PLB1: variants seen among roughly 807,000 people sequenced by gnomAD.
The protein encoded by PLB1 is phospholipase B1, membrane-associated.
In PLB1, 242 loss-of-function variants were observed where a neutral mutation model predicts 227.4. The ratio of observed to expected loss-of-function variants is 1.06; its 90% CI spans 0.96 to 1.18. The LOEUF is 1.18. PLB1 is among the 50% of genes most tolerant of loss of function. The pLI is 0.00. For missense variants in PLB1, 1,858 were observed against 1,816.3 expected (o/e 1.02, Z -0.42); for synonymous variants, 757 against 682.2 (o/e 1.11, Z -1.71).
intron 21 of PLB1, among the ~76,000 whole-genome samples, chr2:28,575,127 C>T (rs1678718187): frequency 6.6e-6 from 1 of 152,210 alleles, no homozygotes; most frequent in South Asian, 2.1e-4. Flanking sequence ...TTTACATTCC[C>T]ACCAGCAGTG....
chr2:28,513,155 C>T (rs909651661), intron 1 of PLB1, among the ~76,000 whole-genome samples: 2 of 152,038 alleles, frequency 1.3e-5, no homozygotes, highest in Admixed American at 6.6e-5. Flanking sequence ...TTAATGTTGT[C>T]TCCTGGTAAT....
Position 28,600,845 on chromosome 2 carries a change from G to A in PLB1, c.2511G>A (p.Lys837=), listed in dbSNP as rs377536483. Residue 837 remains lysine (K), a synonymous_variant, in exon 36 of 58, where the codon AAG becomes AAA. Transcript: ENST00000327757. ...LMSQVQTLMQ[K]MKDDHRVNFH... is the part of the protein sequence containing the mutation. ...GCCAAGTCCAAACTCTGATGCAGAA[G>A]ATGAAAGATGATCATGTGAGTCAGA... 8 of 1,611,712 alleles carry A rather than the reference G, an allele frequency of 5.0e-6. No individual in the cohort carries two copies. Among genetic ancestry groups the A allele is most frequent in the Non-Finnish European group, 6.8e-6 (8 of 1,177,892 alleles).
At chr2:28,524,300 G>A (rs2148185169) in intron 4 of PLB1, among the ~76,000 whole-genome samples, 1 of 152,308 alleles carries the variant, frequency 6.6e-6, no homozygotes, top group Non-Finnish European at 1.5e-5. Context: ...GCTAAGATTT[G>A]CTAAGTATTT....
intron 43 of PLB1, among the ~76,000 whole-genome samples, chr2:28,607,902 A>G (rs1684906540): frequency 6.6e-6 from 1 of 152,114 alleles, no homozygotes; most frequent in Non-Finnish European, 1.5e-5. Context: ...AGCAGCCATC[A>G]TTTGCTCTTT....
In PLB1 at chr2:28,628,972, C is replaced by G. The variant is rs77050344; in HGVS notation, c.3727-122C>G. The G allele has an allele frequency of 3.3e-3, 2,599 of 778,782 alleles. 44 individuals are homozygous for G. In the African/African-American group the frequency reaches 0.041, roughly 12 times the overall value. The allele number at this position is 778,782 out of a possible 1,614,324, so 48.2% of individuals were successfully genotyped here. ...TGAGATACTACAAGTTGCATCCCCT[C>G]TCTGGGCCTCAGTTTCTTCATTGGT... is the stretch of plus-strand genomic sequence containing the variant. On this transcript the variant is annotated intron_variant, in intron 52 of 57. Coordinates refer to ENST00000327757, the MANE Select transcript of PLB1 (RefSeq NM_153021.5).
chr2:28,573,371 T>G (rs955637204), intron 21 of PLB1, 66 bp downstream of exon 21: 8 of 1,241,156 alleles, frequency 6.4e-6, no homozygotes, highest in Admixed American at 1.8e-5. Context: ...GGGCTTGGCC[T>G]AAACTGGGTT....
At chr2:28,581,969 A>G (rs201226028) in intron 23 of PLB1, 99 bp from the exon 24 acceptor site, 8 of 234,438 alleles carry the variant, frequency 3.4e-5, no homozygotes, top group Admixed American at 1.1e-4. Flanking sequence ...TCAAAAAAAG[A>G]AAAAAAAAAA....
chr2:28,514,054 TTAATAG>T (rs1444350880), intron 1 of PLB1, among the ~76,000 whole-genome samples: 1 of 152,362 alleles, frequency 6.6e-6, no homozygotes, highest in African/African-American at 2.4e-5. Flanking sequence ...TTTTTAAAAC[TTAATAG>T]TAGAGTGCTG....
intron 14 of PLB1, among the ~76,000 whole-genome samples, chr2:28,545,957 G>T (rs1673191092): frequency 6.6e-6 from 1 of 152,100 alleles, no homozygotes; most frequent in African/African-American, 2.4e-5. Context: ...TCTCAGCTCT[G>T]CAGCCCACAA....
chr2:28,559,952 A>G (rs1675790441), intron 17 of PLB1, among the ~76,000 whole-genome samples: 2 of 151,820 alleles, frequency 1.3e-5, no homozygotes, highest in Admixed American at 6.6e-5. Context: ...GGGTTTCATC[A>G]TTTTGGACAG....
At chr2:28,572,648 C>A (rs1183537177) in intron 20 of PLB1, among the ~76,000 whole-genome samples, 1 of 152,052 alleles carries the variant, frequency 6.6e-6, no homozygotes, top group Non-Finnish European at 1.5e-5. Context: ...AGAGGCCAGT[C>A]ACAAAAGGTA....
Position 28,529,311 on chromosome 2 carries a change from C to T in PLB1, c.326-6C>T, listed in dbSNP as rs779090764. On this transcript the variant is annotated splice_polypyrimidine_tract_variant and splice_region_variant and intron_variant, in intron 6 of 57. Transcript: ENST00000327757. ...GGCCAGGGCCTCAAACCAGTTCTCT[C>T]TTTAGTCCTTTCAGACATCATCAGA... is the stretch of plus-strand genomic sequence containing the variant. The T allele has an allele frequency of 1.2e-6, 2 of 1,600,860 alleles. No individual in the cohort carries two copies. The highest frequency in any genetic ancestry group is 1.7e-6 in the Non-Finnish European group (2 of 1,168,084).
chr2:28,557,629 C>T, intron 17 of PLB1, among the ~76,000 whole-genome samples: 1 of 152,152 alleles, frequency 6.6e-6, no homozygotes, highest in East Asian at 1.9e-4. Context: ...TTCGTCATGG[C>T]TTGGATGGCC....
chr2:28,587,628 T>G (rs1681130354), intron 26 of PLB1, among the ~76,000 whole-genome samples: 1 of 150,992 alleles, frequency 6.6e-6, no homozygotes, highest in Non-Finnish European at 1.5e-5. Context: ...AAAATCAAAA[T>G]CAGGCCACAG....
At chr2:28,597,743 A>G (rs955452902) in intron 33 of PLB1, among the ~76,000 whole-genome samples, 1 of 152,210 alleles carries the variant, frequency 6.6e-6, no homozygotes, top group African/African-American at 2.4e-5. Context: ...GGCACATAGT[A>G]TATACTCAGC....
rs1688247874 is a variant in PLB1, at chr2:28,629,162, G to A, written c.3795G>A (p.Gly1265=). The A allele has an allele frequency of 6.2e-7, 1 of 1,613,786 alleles. No homozygotes were observed. The highest frequency in any genetic ancestry group is 8.5e-7 in the Non-Finnish European group (1 of 1,179,924). ...CTAGCCTGTACCAGGGCCAAGGCGG[G>A]AAATGTGCCATGCTGGCAGCTCAGT... is the stretch of plus-strand genomic sequence containing the variant. The part of the protein sequence containing the change: ...ELASLYQGQG[G]KCAMLAAQNN... The change falls in exon 53 of 58, where the codon GGG becomes GGA. Residue 1265 remains glycine, a synonymous_variant. Transcript: ENST00000327757.
intron 55 of PLB1, 39 bp from the exon 56 acceptor site, chr2:28,632,905 C>G (rs759705177): frequency 6.7e-7 from 1 of 1,501,180 alleles, no homozygotes; most frequent in Non-Finnish European, 9.3e-7. Context: ...GTAGCAGAGC[C>G]CTTTCCCAGG....
intron 16 of PLB1, among the ~76,000 whole-genome samples, chr2:28,551,744 C>T (rs1248102110): frequency 2.0e-5 from 3 of 152,184 alleles, no homozygotes; most frequent in Non-Finnish European, 4.4e-5. Flanking sequence ...CAGTAATAGT[C>T]GTACCTTGCG....
chr2:28,618,886 T>G (rs929422649), intron 46 of PLB1, among the ~76,000 whole-genome samples: 1 of 152,202 alleles, frequency 6.6e-6, no homozygotes, highest in African/African-American at 2.4e-5. Context: ...ACTTAGCCAT[T>G]GTTGTGTACA....
Sources: allele counts gnomAD v4.1 joint callset (sites outside exome capture counted in the v4.1 genomes callset), GRCh38; gene constraint gnomAD v4.1.1; transcripts MANE v1.5; gene names NCBI Gene and HGNC (gene_info 2026-07-23, HGNC 2026-07-21).